RANBP2: variants seen among roughly 807,000 people sequenced by gnomAD.
The protein encoded by RANBP2 is E3 SUMO-protein ligase RanBP2.
RANBP2 carries 57 observed loss-of-function variants against 303.6 expected under a neutral mutation model. The observed-to-expected ratio is 0.19, with a 90% confidence interval of 0.15 to 0.23. The LOEUF is 0.23. Ranked by LOEUF, RANBP2 falls within the 10% of genes least tolerant of loss-of-function variation. The pLI, the probability that RANBP2 is intolerant of heterozygous loss-of-function variation, is 1.00. For missense variants in RANBP2, 3,138 were observed against 3,780.8 expected, an observed-to-expected ratio of 0.83 and a Z score of 4.46; for synonymous variants, 1,167 against 1,301.5, an observed-to-expected ratio of 0.90 and a Z score of 2.23.
At chr2:108,820,480 TTCAAGAAAC>T in the RANBP2 span, among the ~76,000 whole-genome samples, 1 of 151,722 alleles carries the variant, frequency 6.6e-6, no homozygotes, top group African/African-American at 2.4e-5. Context: ...GGCATACAAG[TTCAAGAAAC>T]TCAAGGAACT....
At chr2:109,729,996 C>T in the RANBP2 span, among the ~76,000 whole-genome samples, 1 of 152,172 alleles carries the variant, frequency 6.6e-6, no homozygotes, top group African/African-American at 2.4e-5. Flanking sequence ...TGCCAGAACT[C>T]ACTCAGTATC....
chr2:109,339,435 G>T, the RANBP2 span, among the ~76,000 whole-genome samples: 1 of 152,116 alleles, frequency 6.6e-6, no homozygotes, highest in African/African-American at 2.4e-5. Context: ...GGTCTTCTGC[G>T]GTGGCTGGAG....
the RANBP2 span, among the ~76,000 whole-genome samples, chr2:109,621,534 A>G: frequency 6.6e-6 from 1 of 152,178 alleles, no homozygotes; most frequent in African/African-American, 2.4e-5. Context: ...AACTTTGAAT[A>G]TAATAGTTTA....
chr2:109,485,286 G>C, the RANBP2 span, among the ~76,000 whole-genome samples: 3 of 152,208 alleles, frequency 2.0e-5, no homozygotes, highest in African/African-American at 7.2e-5. Context: ...GAAGGTAACT[G>C]AATAAATGTG....
At chr2:109,429,955 C>A in the RANBP2 span, among the ~76,000 whole-genome samples, 1 of 152,202 alleles carries the variant, frequency 6.6e-6, no homozygotes, top group Non-Finnish European at 1.5e-5. Flanking sequence ...ATCCACGGAA[C>A]AAGGCCTCCA....
chr2:109,755,211 A>G, the RANBP2 span, among the ~76,000 whole-genome samples: 130 of 126,068 alleles, frequency 1.0e-3, 20 homozygotes, highest in Admixed American at 2.5e-3. Context: ...GGGGGGGCCC[A>G]AGCCACTTGT....
chr2:109,501,566 C>T, the RANBP2 span: 1 of 779,750 alleles, frequency 1.3e-6, no homozygotes, highest in African/African-American at 1.7e-5. Context: ...AGGAAGGCGA[C>T]ATCGTCTTTG....
the RANBP2 span, among the ~76,000 whole-genome samples, chr2:109,342,761 C>T: frequency 1.3e-5 from 2 of 152,144 alleles, no homozygotes; most frequent in South Asian, 2.1e-4. Context: ...GAGATGGCGC[C>T]GTTGTGCCCA....
At chr2:109,466,139 G>A in the RANBP2 span, among the ~76,000 whole-genome samples, 2 of 131,396 alleles carry the variant, frequency 1.5e-5, no homozygotes, top group African/African-American at 5.7e-5. Flanking sequence ...GAGTGCAGCA[G>A]TGCTATCTCG....
chr2:108,969,613 A>C, the RANBP2 span, among the ~76,000 whole-genome samples: 1 of 152,062 alleles, frequency 6.6e-6, no homozygotes, highest in Non-Finnish European at 1.5e-5. Context: ...TCTCAAACTA[A>C]TTTTTCATTA....
the RANBP2 span, among the ~76,000 whole-genome samples, chr2:109,569,437 TA>T: frequency 0.3 from 39,716 of 131,138 alleles, 5,635 homozygotes; most frequent in African/African-American, 0.37. Flanking sequence ...AAACTCTTGT[TA>T]AAAAAAAAAA....
At chr2:109,305,326 C>T in the RANBP2 span, among the ~76,000 whole-genome samples, 2 of 151,996 alleles carry the variant, frequency 1.3e-5, no homozygotes, top group South Asian at 2.1e-4. Context: ...GAGGATGAAG[C>T]GCCTCTTCTG....
At chr2:109,401,400 G>A in the RANBP2 span, among the ~76,000 whole-genome samples, 2 of 152,322 alleles carry the variant, frequency 1.3e-5, no homozygotes, top group African/African-American at 2.4e-5. Flanking sequence ...CTTCCTCCTA[G>A]AAGAGCAAAG....
At chr2:109,031,951 A>G in the RANBP2 span, among the ~76,000 whole-genome samples, 1 of 113,946 alleles carries the variant, frequency 8.8e-6, no homozygotes, top group African/African-American at 3.5e-5. Flanking sequence ...ACCTTTTGCC[A>G]AAACTCTGAA....
At chr2:109,552,572 C>T in the RANBP2 span, 2 of 152,860 alleles carry the variant, frequency 1.3e-5, no homozygotes, top group South Asian at 2.1e-4. Context: ...GGAAGCATCA[C>T]AGTAAGACGC....
the RANBP2 span, among the ~76,000 whole-genome samples, chr2:109,636,994 G>A: frequency 6.6e-6 from 1 of 152,138 alleles, no homozygotes; most frequent in Non-Finnish European, 1.5e-5. Context: ...CACCGGCACC[G>A]GTCTCTGAGT....
chr2:109,602,272 C>T, the RANBP2 span, among the ~76,000 whole-genome samples: 13 of 152,010 alleles, frequency 8.6e-5, no homozygotes, highest in Non-Finnish European at 1.9e-4. Context: ...CTTACAGAAA[C>T]TGCATGAACA....
At chr2:109,497,076 C>T in the RANBP2 span, among the ~76,000 whole-genome samples, 8 of 152,124 alleles carry the variant, frequency 5.3e-5, no homozygotes, top group Admixed American at 5.2e-4. Flanking sequence ...TGATTTTGGC[C>T]CAGTGAGACC....
At chr2:109,468,290 G>A in the RANBP2 span, among the ~76,000 whole-genome samples, 529 of 152,274 alleles carry the variant, frequency 3.5e-3, 19 homozygotes, top group East Asian at 0.061. Flanking sequence ...GTAACACAGC[G>A]GCAAGTACCG....
Sources: allele counts gnomAD v4.1 joint callset (sites outside exome capture counted in the v4.1 genomes callset), GRCh38; gene constraint gnomAD v4.1.1; transcripts MANE v1.5; gene names NCBI Gene and HGNC (gene_info 2026-07-23, HGNC 2026-07-21).